The following MAPK10 variants were observed in gnomAD, a reference collection of about 807,000 sequenced individuals.
The protein encoded by MAPK10 is JNK3 alpha protein kinase.
A neutral mutation model predicts 59.3 loss-of-function variants in MAPK10; 25 were observed. That is an observed-to-expected ratio of 0.42 (90% CI 0.31 to 0.59). MAPK10 has a LOEUF of 0.59. MAPK10 is among the 20% of genes least tolerant of loss of function. The pLI is 0.15. For synonymous variants in MAPK10, 190 were observed against 200.5 expected (o/e 0.95, Z 0.44); for missense variants, 351 against 568.9 (o/e 0.62, Z 3.90).
At chr4:86,377,116 C>T (rs920129569) in intron 1 of MAPK10, among the ~76,000 whole-genome samples, 1 of 152,206 alleles carries the variant, frequency 6.6e-6, no homozygotes, top group African/African-American at 2.4e-5. Flanking sequence ...AGGTCGCTAT[C>T]TTAAGGAGAT....
intron 2 of MAPK10, among the ~76,000 whole-genome samples, chr4:86,236,554 T>C (rs2092251641): frequency 6.6e-6 from 1 of 152,106 alleles, no homozygotes; most frequent in Admixed American, 6.5e-5. Context: ...TTAAGAAGAG[T>C]GATATGATCT....
intron 9 of MAPK10, among the ~76,000 whole-genome samples, chr4:86,094,963 T>C (rs971746462): frequency 1.3e-5 from 2 of 151,880 alleles, no homozygotes; most frequent in African/African-American, 4.8e-5. Flanking sequence ...AACTACATTA[T>C]GTAAAAATAT....
At chr4:86,371,356 G>A (rs1317303555) in intron 1 of MAPK10, among the ~76,000 whole-genome samples, 1 of 152,256 alleles carries the variant, frequency 6.6e-6, no homozygotes, top group Non-Finnish European at 1.5e-5. Context: ...ACCATCCACA[G>A]TGTGCCTGGG....
chr4:86,135,840 A>G (rs544646419), intron 4 of MAPK10, among the ~76,000 whole-genome samples: 1,843 of 152,326 alleles, frequency 0.012, 19 homozygotes, highest in Admixed American at 0.023. Flanking sequence ...AAGTGCTTAA[A>G]GGAGCTGATG....
At chr4:86,233,493 C>T (rs147552874) in intron 2 of MAPK10, among the ~76,000 whole-genome samples, 2,415 of 152,282 alleles carry the variant, frequency 0.016, 77 homozygotes, top group African/African-American at 0.055. Flanking sequence ...TAACCTCCCT[C>T]CCCCAAGGAG....
Position 86,014,286 on chromosome 4 carries a change from A to T in MAPK10, c.*2942T>A, listed in dbSNP as rs1456503929. ...TGTTCTTGGGAAATAACAGGTGACT[A>T]TTTAAGAAATATTTGGGGTGTGTGT... On this transcript the variant is annotated 3_prime_UTR_variant, in exon 14 of 14. Coordinates refer to ENST00000641462, the MANE Select transcript of MAPK10 (RefSeq NM_138982.4). The T allele has an allele frequency of 6.8e-6, 1 of 147,894 alleles. No homozygotes were observed. The highest frequency in any genetic ancestry group is 1.5e-5 in the Non-Finnish European group (1 of 67,106). The allele number at this position is 147,894 out of a possible 1,614,324, so 9.2% of individuals were successfully genotyped here.
chr4:86,562,727 C>T (rs1207425782), intron 1 of MAPK10, among the ~76,000 whole-genome samples: 1 of 151,972 alleles, frequency 6.6e-6, no homozygotes, highest in Non-Finnish European at 1.5e-5. Context: ...ACAACTTTAC[C>T]TGCTGCACTA....
intron 1 of MAPK10, among the ~76,000 whole-genome samples, chr4:86,533,858 C>T (rs1386912973): frequency 6.6e-6 from 1 of 152,196 alleles, no homozygotes; most frequent in African/African-American, 2.4e-5. Flanking sequence ...ATGGACTCAA[C>T]CTTATTTGCT....
chr4:86,276,621 A>G (rs1228575762), intron 2 of MAPK10, among the ~76,000 whole-genome samples: 2 of 152,102 alleles, frequency 1.3e-5, no homozygotes, highest in Non-Finnish European at 2.9e-5. Flanking sequence ...TTGCCCACCC[A>G]TCAACACGTT....
intron 1 of MAPK10, among the ~76,000 whole-genome samples, chr4:86,428,663 T>C (rs1397130911): frequency 1.3e-5 from 2 of 152,202 alleles, no homozygotes; most frequent in Non-Finnish European, 2.9e-5. Flanking sequence ...AAAAGTGCTA[T>C]GTTTTTTCAA....
At chr4:86,023,857 A>C (rs1748780219) in intron 13 of MAPK10, 1 of 141,148 alleles carries the variant, frequency 7.1e-6, no homozygotes, top group Non-Finnish European at 1.5e-5. Context: ...ATATAAAATG[A>C]ATGTTGTAAT....
chr4:86,434,214 C>T (rs1748409934), intron 1 of MAPK10, among the ~76,000 whole-genome samples: 1 of 152,096 alleles, frequency 6.6e-6, no homozygotes, highest in South Asian at 2.1e-4. Context: ...AACTAGACCC[C>T]CTATCATGCA....
chr4:86,040,235 A>G (rs962756491), intron 11 of MAPK10, among the ~76,000 whole-genome samples: 2 of 152,226 alleles, frequency 1.3e-5, no homozygotes, highest in Non-Finnish European at 2.9e-5. Context: ...AAGCTCAACA[A>G]ACTTCAAAAA....
At chr4:86,407,870 A>G (rs1190022975) in intron 1 of MAPK10, among the ~76,000 whole-genome samples, 1 of 152,216 alleles carries the variant, frequency 6.6e-6, no homozygotes, top group East Asian at 1.9e-4. Context: ...AAATCTGGCC[A>G]TAATTTCAGG....
At chr4:86,391,814 A>T (rs1001227907) in intron 1 of MAPK10, among the ~76,000 whole-genome samples, 2 of 152,228 alleles carry the variant, frequency 1.3e-5, no homozygotes, top group Non-Finnish European at 2.9e-5. Flanking sequence ...CCCAGCATGC[A>T]TTCACACTTA....
intron 3 of MAPK10, chr4:86,192,404 A>T (rs1239607231): frequency 6.6e-6 from 1 of 152,202 alleles, no homozygotes; most frequent in Non-Finnish European, 1.5e-5. Context: ...ACTTTCAGGT[A>T]CATCAATCAA....
intron 11 of MAPK10, among the ~76,000 whole-genome samples, chr4:86,040,576 G>A (rs868772847): frequency 1.3e-5 from 2 of 152,112 alleles, no homozygotes. Context: ...AATAATAACA[G>A]AAATGTTTTC....
Position 86,107,215 on chromosome 4 carries a change from A to T in MAPK10, c.366+8T>A. The T allele has an allele frequency of 6.2e-7, 1 of 1,606,506 alleles. No homozygotes were observed. The highest frequency in any genetic ancestry group is 8.5e-7 in the Non-Finnish European group (1 of 1,177,130). ...CACTGCCAGAAGTTTAAAAATAACA[A>T]AACTCACGTTTTTATGGTTCACACA... On this transcript the variant is annotated splice_region_variant and intron_variant, in intron 5 of 13. Coordinates refer to ENST00000641462, the MANE Select transcript of MAPK10 (RefSeq NM_138982.4).
Position 86,017,874 on chromosome 4 carries a change from C to T in MAPK10, c.1253-504G>A, listed in dbSNP as rs1424505395. Among the ~76,000 whole-genome samples the T allele has an allele frequency of 6.6e-6, 1 of 152,098 alleles. No homozygotes were observed. The highest frequency in any genetic ancestry group is 2.4e-5 in the African/African-American group (1 of 41,418). ...AGTAGCTGGGAGTACAGGTGCGCAC[C>T]ACCACACCCAGCTAATTTTTGTACT... On this transcript the variant is annotated intron_variant, in intron 13 of 13. Transcript: ENST00000641462. This position sits in a 1 kb window ranked among gnomAD's most constrained non-coding sequence, Gnocchi z 4.4.
Sources: allele counts gnomAD v4.1 joint callset (sites outside exome capture counted in the v4.1 genomes callset), GRCh38; gene constraint gnomAD v4.1.1; non-coding constraint Gnocchi (gnomAD v3.1); transcripts MANE v1.5; gene names NCBI Gene and HGNC (gene_info 2026-07-23, HGNC 2026-07-21).